The following INTS3 variants were observed in gnomAD, a reference collection of about 807,000 sequenced individuals.
INTS3 encodes the protein SOSS complex subunit A.
Under a neutral mutation model 146.3 loss-of-function variants are expected in INTS3, and 34 were observed. The ratio of observed to expected loss-of-function variants is 0.23; its 90% confidence interval spans 0.18 to 0.31. The LOEUF (loss-of-function observed/expected upper bound fraction) is 0.31. Among genes scored for constraint, INTS3 ranks in the 10% least tolerant of loss-of-function variants. INTS3 has a pLI of 1.00. For missense variants in INTS3, 757 were observed against 1,304.2 expected (o/e 0.58, Z 6.46); for synonymous variants, 475 against 494.9 (o/e 0.96, Z 0.53).
chr1:153,772,331 C>A lies in INTS3; in HGVS notation c.2721-9C>A, dbSNP rs1672925363. On this transcript the variant is annotated splice_polypyrimidine_tract_variant and intron_variant, in intron 26 of 29. Coordinates refer to ENST00000318967, the MANE Select transcript of INTS3 (RefSeq NM_023015.5). The surrounding 1 kb of genome is among the most constrained non-coding windows in gnomAD (Gnocchi z 4.6). The stretch of plus-strand genomic sequence containing the variant: ...CACTCAGACTCTGGCTCTGGTGATT[C>A]CTGCACAGCCTGAGGAGCTCTAGCA... 1 of 1,612,720 alleles carries A rather than the reference C, an allele frequency of 6.2e-7. No individual in the cohort carries two copies. The highest frequency in any genetic ancestry group is 8.5e-7 in the Non-Finnish European group (1 of 1,179,218).
At chr1:153,751,020 A>C in intron 6 of INTS3, 75 bp from the exon 7 acceptor site, 1 of 1,475,546 alleles carries the variant, frequency 6.8e-7, no homozygotes, top group Non-Finnish European at 9.2e-7. Context: ...ACTGTAGCCA[A>C]GCCCAAGAAG....
At chr1:153,745,936 A>G (rs1671718775) in intron 3 of INTS3, among the ~76,000 whole-genome samples, 1 of 152,208 alleles carries the variant, frequency 6.6e-6, no homozygotes, top group African/African-American at 2.4e-5. Context: ...CCTTGTCTCT[A>G]GAAAAAACTG....
intron 21 of INTS3, among the ~76,000 whole-genome samples, chr1:153,768,339 C>A (rs563712386): frequency 1.3e-5 from 2 of 152,226 alleles, no homozygotes; most frequent in South Asian, 4.1e-4. Context: ...AAATAAGGAC[C>A]CAGGGCATGA....
chr1:153,755,822 T>G (rs1463891479), intron 9 of INTS3, among the ~76,000 whole-genome samples: 1 of 152,086 alleles, frequency 6.6e-6, no homozygotes, highest in African/African-American at 2.4e-5. Flanking sequence ...GCAGATCACT[T>G]GAGATCAGGA....
At chr1:153,769,539 G>A (rs1395689676) in intron 22 of INTS3, among the ~76,000 whole-genome samples, 2 of 151,918 alleles carry the variant, frequency 1.3e-5, no homozygotes, top group Non-Finnish European at 2.9e-5. Context: ...AACTATTTTT[G>A]CCCAAAATAG....
In INTS3 at chr1:153,771,811, G is replaced by C; in HGVS notation, c.2568G>C (p.Met856Ile). The C allele has an allele frequency of 6.2e-7, 1 of 1,612,890 alleles. No homozygotes were observed. Among genetic ancestry groups the C allele is most frequent in the Non-Finnish European group, 8.5e-7 (1 of 1,179,212 alleles). Residue 856 changes from methionine (M) to isoleucine (I), a missense_variant, in exon 26 of 30, where the codon ATG becomes ATC. This residue lies in a region of INTS3 where 116 missense variants were observed against 226.5 expected (regional missense o/e 0.51). Transcript: ENST00000318967. Reference protein sequence around the residue: ...QLRREKPSEEMVKMVLSRPCH... With the variant: ...QLRREKPSEEIVKMVLSRPCH... ...CCTCCCCCAGGCCCAGCGAGGAGAT[G>C]GTGAAGATGGTGCTGAGCCGGCCCT...
intron 25 of INTS3, among the ~76,000 whole-genome samples, chr1:153,771,572 C>T (rs1355027894): frequency 3.9e-5 from 6 of 152,158 alleles, no homozygotes; most frequent in African/African-American, 9.7e-5. Context: ...AACACACACA[C>T]GCACACGCCT....
At position 153,772,905 on chromosome 1, in the gene INTS3, C is replaced by G; in HGVS notation, c.2895-20C>G. 6.2e-7 allele frequency: 1 copy of G among 1,613,940 alleles called. No individual in the cohort carries two copies. Among genetic ancestry groups the G allele is most frequent in the Non-Finnish European group, 8.5e-7 (1 of 1,179,946 alleles). On this transcript the variant is annotated intron_variant, in intron 28 of 29. Transcript: ENST00000318967. This position sits in a 1 kb window ranked among gnomAD's most constrained non-coding sequence, Gnocchi z 4.6. The stretch of plus-strand genomic sequence containing the variant: ...GAGCAGCAGGCTCCCACTCAAAGAG[C>G]TACCGCTCCTTTTCCTTAGATTCAG...
At chr1:153,760,522 C>T (rs1570871777) in intron 12 of INTS3, 132 bp downstream of exon 12, 2 of 717,046 alleles carry the variant, frequency 2.8e-6, no homozygotes, top group East Asian at 5.4e-5. Flanking sequence ...GGTCCTATCC[C>T]CCAAGTTAAT....
Position 153,770,211 on chromosome 1 carries a change from C to A in INTS3, c.2403C>A (p.Asp801Glu). 6.2e-7 allele frequency: 1 copy of A among 1,609,048 alleles called. No homozygotes were observed. The highest frequency in any genetic ancestry group is 8.5e-7 in the Non-Finnish European group (1 of 1,175,862). Residue 801 changes from aspartate to glutamate, a missense_variant, in exon 24 of 30, where the codon GAC becomes GAA. Around this residue, in one of 8 missense-constraint regions of INTS3, gnomAD observed 116 missense variants for 226.5 expected, o/e 0.51. Transcript: ENST00000318967. The part of the protein sequence containing the change: ...SVLNILIQSL[D>E]WETFEQYCAW... ...TGTCTCTTCCAGTTCAGAGCCTAGA[C>A]TGGGAGACCTTTGAGCAGTATTGTG...
intron 1 of INTS3, among the ~76,000 whole-genome samples, chr1:153,740,320 G>GA (rs1345929889): frequency 1.3e-5 from 2 of 151,948 alleles, no homozygotes; most frequent in African/African-American, 4.8e-5. Flanking sequence ...GGCTGGTCTT[G>GA]AACTCCTGAC....
At position 153,742,474 on chromosome 1, in the gene INTS3, A is replaced by ATC. The variant is rs896675982; in HGVS notation, c.318+1110_318+1111dup. ...AACTTCCTCTTGTGTGGGTTTTTTA[A>ATC]TCTCTGTGTGTGTGTGTGTGTGTGT... On this transcript the variant is annotated intron_variant, in intron 3 of 29. Transcript: ENST00000318967. Among the ~76,000 whole-genome samples, 207 of 65,570 alleles carry ATC rather than the reference A, an allele frequency of 3.2e-3. 3 individuals are homozygous for ATC. The highest frequency in any genetic ancestry group is 0.015 in the African/African-American group (192 of 12,778). 43.0% of individuals were successfully genotyped at this position (65,570 alleles called of 152,430 possible). A position where few individuals can be genotyped will look rare whatever the true frequency, so the allele number is the denominator to read the frequency against.
At chr1:153,763,447 G>T in intron 16 of INTS3, 85 bp downstream of exon 16, 1 of 1,442,920 alleles carries the variant, frequency 6.9e-7, no homozygotes, top group Non-Finnish European at 9.7e-7. Context: ...AGGAGATGGG[G>T]GTTGGAGGCA....
rs766146290 is a variant in INTS3, at chr1:153,769,746, GCCTCCTTCCTCCA to G, written c.2314-15_2314-3del. On this transcript the variant is annotated splice_polypyrimidine_tract_variant and intron_variant, in intron 22 of 29. Coordinates refer to ENST00000318967, the MANE Select transcript of INTS3 (RefSeq NM_023015.5). ...GCCCCTTTCAGAGCTGATGGGTTCTGCCTCCTTCCTCCACCTCCTTAGCTCCAGGAGCTGGTCT... is the reference window on the plus strand; with the variant it reads ...GCCCCTTTCAGAGCTGATGGGTTCTGCCTCCTTAGCTCCAGGAGCTGGTCT... 3 of 1,569,062 alleles carry G rather than the reference GCCTCCTTCCTCCA, an allele frequency of 1.9e-6. No individual in the cohort carries two copies. Among genetic ancestry groups the G allele is most frequent in the Non-Finnish European group, 2.6e-6 (3 of 1,139,380 alleles).
At chr1:153,768,993 T>A (rs1672705552) in intron 22 of INTS3, 32 bp downstream of exon 22, 1 of 1,567,962 alleles carries the variant, frequency 6.4e-7, no homozygotes, top group Admixed American at 1.7e-5. Flanking sequence ...CCCCAGAAGA[T>A]CTGGGAGGCA....
chr1:153,768,826 AGAGTGGGCTATGG>A (rs1672701073), intron 21 of INTS3, 54 bp from the exon 22 acceptor site: 9 of 1,214,646 alleles, frequency 7.4e-6, no homozygotes, highest in Non-Finnish European at 1.1e-5. Flanking sequence ...ATAAGGAAGG[AGAGTGGGCTATGG>A]GATAAAAGCT....
rs1047307798 is a variant in INTS3 at position 153,728,116 on chromosome 1, C to G, written c.-519C>G. On this transcript the variant is annotated 5_prime_UTR_variant, in exon 1 of 30. Transcript: ENST00000318967. The stretch of plus-strand genomic sequence containing the variant: ...TGGTGTGGGGAGACGCTGGTCCTCC[C>G]CGTCCTCCCATAGCGCTTATTGCCT... 3 of 388,364 alleles carry G rather than the reference C, an allele frequency of 7.7e-6. No individual in the cohort carries two copies. Among genetic ancestry groups the G allele is most frequent in the Admixed American group, 4.5e-5 (1 of 22,190 alleles). 24.1% of individuals were successfully genotyped at this position (388,364 alleles called of 1,614,324 possible). A position where few individuals can be genotyped will look rare whatever the true frequency, so the allele number is the denominator to read the frequency against.
chr1:153,767,387 T>C, intron 20 of INTS3: 1 of 346,924 alleles, frequency 2.9e-6, no homozygotes. Flanking sequence ...CAGCCTGACC[T>C]GAGCCCTCCC....
intron 1 of INTS3, among the ~76,000 whole-genome samples, chr1:153,740,024 C>T (rs186726409): frequency 1.2e-4 from 18 of 152,004 alleles, no homozygotes; most frequent in African/African-American, 4.3e-4. Flanking sequence ...TGGTCTTAAA[C>T]TCCTGACCTT....
Sources: allele counts gnomAD v4.1 joint callset (sites outside exome capture counted in the v4.1 genomes callset), GRCh38; gene constraint gnomAD v4.1.1; regional missense constraint gnomAD v4.1.1; non-coding constraint Gnocchi (gnomAD v3.1); transcripts MANE v1.5; gene names NCBI Gene and HGNC (gene_info 2026-07-23, HGNC 2026-07-21).